Variants in SPON1 observed in about 807,000 individuals in gnomAD.
SPON1 encodes the protein spondin 1.
In SPON1, 52 loss-of-function variants were observed where a neutral mutation model predicts 111.7. The ratio of observed to expected loss-of-function variants is 0.47; its 90% CI spans 0.37 to 0.59. SPON1 has a LOEUF of 0.59. Among genes scored for constraint, SPON1 ranks in the 20% least tolerant of loss-of-function variants. The pLI, the probability that SPON1 is intolerant of heterozygous loss-of-function variation, is 0.00. For missense variants in SPON1, 957 were observed against 1,068.5 expected, an observed-to-expected ratio of 0.90 and a Z score of 1.46; for synonymous variants, 410 against 395.8, an observed-to-expected ratio of 1.04 and a Z score of -0.43.
chr11:14,072,659 C>A (rs970432378), intron 3 of SPON1, among the ~76,000 whole-genome samples: 1 of 152,046 alleles, frequency 6.6e-6, no homozygotes, highest in Non-Finnish European at 1.5e-5. Flanking sequence ...TTATAAAGAC[C>A]CTTGAATATT....
intron 5 of SPON1, among the ~76,000 whole-genome samples, chr11:14,092,479 T>C (rs1849067410): frequency 6.6e-6 from 1 of 152,130 alleles, no homozygotes; most frequent in Non-Finnish European, 1.5e-5. Flanking sequence ...CGTTGGACAC[T>C]ATAGGAAGGA....
intron 3 of SPON1, among the ~76,000 whole-genome samples, chr11:14,060,567 C>T (rs1273085737): frequency 1.3e-5 from 2 of 152,150 alleles, no homozygotes; most frequent in African/African-American, 4.8e-5. Flanking sequence ...GATTCTTGGC[C>T]CTGGCTGCAT....
At chr11:14,079,230 G>A (rs969837709) in intron 4 of SPON1, among the ~76,000 whole-genome samples, 36 of 152,262 alleles carry the variant, frequency 2.4e-4, no homozygotes, top group African/African-American at 7.7e-4. Context: ...AATGAGGGCC[G>A]AGAGGGAATC....
chr11:14,038,392 G>A (rs887763256), intron 2 of SPON1, among the ~76,000 whole-genome samples: 19 of 151,394 alleles, frequency 1.3e-4, no homozygotes, highest in African/African-American at 7.3e-5. Flanking sequence ...TTGCCTGAAC[G>A]TGGGAGGCAG....
Position 14,259,509 on chromosome 11 carries a change from A to C in SPON1, c.1664-25A>C. 1 of 1,562,786 alleles carries C rather than the reference A, an allele frequency of 6.4e-7. No homozygotes were observed. Among genetic ancestry groups the C allele is most frequent in the Non-Finnish European group, 8.7e-7 (1 of 1,154,336 alleles). Reference sequence around the variant, plus strand: ...GTAGGTCGGGGAGGCAGCAGGTGCGACTCCAATGCCGCTGGCCTCCCCAGC... The same window carrying C: ...GTAGGTCGGGGAGGCAGCAGGTGCGCCTCCAATGCCGCTGGCCTCCCCAGC... On this transcript the variant is annotated intron_variant, in intron 12 of 15. Coordinates refer to ENST00000576479, the MANE Select transcript of SPON1 (RefSeq NM_006108.4). This position sits in a 1 kb window ranked among gnomAD's most constrained non-coding sequence, Gnocchi z 5.0.
In SPON1 at chr11:14,135,206, C is replaced by T. The variant is rs1166511896; in HGVS notation, c.677-214C>T. On this transcript the variant is annotated intron_variant, in intron 5 of 15. Coordinates refer to ENST00000576479, the MANE Select transcript of SPON1 (RefSeq NM_006108.4). The surrounding 1 kb of genome is among the most constrained non-coding windows in gnomAD (Gnocchi z 4.4). ...CTCTGGGCTGCCTCTGCGTCTTGTT[C>T]AACATCTGCTGTTGACCTGTCTGTA... 4.3e-6 allele frequency: 2 copies of T among 470,496 alleles called. No individual in the cohort carries two copies. Among genetic ancestry groups the T allele is most frequent in the Non-Finnish European group, 7.5e-6 (2 of 266,418 alleles). 29.1% of individuals were successfully genotyped at this position (470,496 alleles called of 1,614,324 possible).
chr11:14,250,907 A>G (rs547288774), intron 7 of SPON1, among the ~76,000 whole-genome samples: 22 of 152,334 alleles, frequency 1.4e-4, no homozygotes, highest in African/African-American at 5.1e-4. Context: ...CATTTCTTAG[A>G]TTAAGTCATT....
intron 6 of SPON1, among the ~76,000 whole-genome samples, chr11:14,214,371 C>G (rs929880725): frequency 1.3e-5 from 2 of 152,112 alleles, no homozygotes; most frequent in African/African-American, 4.8e-5. Flanking sequence ...TAAAAACATG[C>G]CCTTGCATAG....
chr11:14,048,792 A>G (rs1848687747), intron 3 of SPON1, among the ~76,000 whole-genome samples: 1 of 152,214 alleles, frequency 6.6e-6, no homozygotes, highest in South Asian at 2.1e-4. Context: ...CTTCAGTCTG[A>G]CAAAAGTTTT....
chr11:13,988,788 T>C (rs1176321688), intron 2 of SPON1, among the ~76,000 whole-genome samples: 1 of 152,230 alleles, frequency 6.6e-6, no homozygotes, highest in Non-Finnish European at 1.5e-5. Context: ...AGGCCTTTTC[T>C]GTATCTATTG....
intron 6 of SPON1, among the ~76,000 whole-genome samples, chr11:14,194,491 A>C (rs1554934853): frequency 6.6e-6 from 1 of 151,448 alleles, no homozygotes; most frequent in African/African-American, 2.4e-5. Flanking sequence ...AATGCTAAGA[A>C]ACAGTGGGAA....
Position 14,257,763 on chromosome 11 carries a change from G to C in SPON1, c.1357G>C (p.Ala453Pro). 1.2e-6 allele frequency: 2 copies of C among 1,613,148 alleles called. No individual in the cohort carries two copies. Among genetic ancestry groups the C allele is most frequent in the Non-Finnish European group, 1.7e-6 (2 of 1,179,582 alleles). The change falls in exon 11 of 16, where the codon GCC becomes CCC. Residue 453 changes from alanine (A) to proline (P), a missense_variant. By Grantham distance (27) the Ala-to-Pro change is conservative. Around this residue, in one of 5 missense-constraint regions of SPON1, gnomAD observed 549 missense variants for 606.2 expected, o/e 0.91. Transcript: ENST00000576479. ...CTACTCCAACTGGTCCCCATGGTCC[G>C]CCTGCAGCTCCTCCACCTGTGACAA... ...CIYSNWSPWSACSSSTCDKGK... is the reference protein window; with the variant it reads ...CIYSNWSPWSPCSSSTCDKGK...
intron 7 of SPON1, among the ~76,000 whole-genome samples, chr11:14,252,706 A>T (rs1268465117): frequency 1.3e-5 from 2 of 151,982 alleles, no homozygotes; most frequent in East Asian, 3.9e-4. Flanking sequence ...ACCTGCGCAG[A>T]GTGTGGGAAT....
At chr11:13,995,500 C>CT (rs1848264909) in intron 2 of SPON1, among the ~76,000 whole-genome samples, 1 of 152,146 alleles carries the variant, frequency 6.6e-6, no homozygotes, top group Admixed American at 6.5e-5. Context: ...AAGTGCCACA[C>CT]TTTAAAACCA....
intron 6 of SPON1, among the ~76,000 whole-genome samples, chr11:14,168,188 A>G (rs1554932028): frequency 1.3e-5 from 2 of 152,168 alleles, no homozygotes; most frequent in African/African-American, 4.8e-5. Flanking sequence ...AAGTAGGTAA[A>G]TTGAACAATT....
intron 7 of SPON1, among the ~76,000 whole-genome samples, chr11:14,252,104 G>C (rs1591427628): frequency 6.6e-6 from 1 of 152,336 alleles, no homozygotes; most frequent in Non-Finnish European, 1.5e-5. Flanking sequence ...AGGAGTTCAA[G>C]TCATCATACG....
intron 3 of SPON1, among the ~76,000 whole-genome samples, chr11:14,072,616 T>C (rs548494665): frequency 1.3e-5 from 2 of 152,238 alleles, no homozygotes; most frequent in South Asian, 4.1e-4. Flanking sequence ...CCCAAAGTGA[T>C]GACAGCTGAA....
intron 6 of SPON1, among the ~76,000 whole-genome samples, chr11:14,137,004 C>T (rs556676618): frequency 3.9e-5 from 6 of 152,236 alleles, no homozygotes; most frequent in African/African-American, 1.4e-4. Context: ...TTGTCAAGCT[C>T]CATGGTGTGG....
chr11:14,227,398 T>C (rs1848752325), intron 6 of SPON1, among the ~76,000 whole-genome samples: 1 of 152,244 alleles, frequency 6.6e-6, no homozygotes, highest in South Asian at 2.1e-4. Context: ...TATTTTAACC[T>C]TTCACTTTTG....
Sources: gnomAD v4.1 joint callset for allele counts (sites outside exome capture counted in the v4.1 genomes callset) on GRCh38, gnomAD v4.1.1 for gene constraint, gnomAD v4.1.1 regional missense constraint, Gnocchi (gnomAD v3.1) non-coding constraint, MANE v1.5 for transcripts, NCBI Gene and HGNC (gene_info 2026-07-23, HGNC 2026-07-21) for gene names.